Variants in ERC2 observed in about 807,000 individuals in gnomAD.
The protein encoded by ERC2 is ELKS/RAB6-interacting/CAST family member 2, also known as ERC protein 2.
Under a neutral mutation model 114.8 loss-of-function variants are expected in ERC2, and 42 were observed. That is an observed-to-expected ratio of 0.37 (90% confidence interval 0.29 to 0.47). ERC2 has a LOEUF of 0.47. ERC2 is among the 20% of genes least tolerant of loss of function. The pLI is 0.99. For synonymous variants in ERC2, 454 were observed against 425.5 expected, an observed-to-expected ratio of 1.07 and a Z score of -0.82; for missense variants, 939 against 1,150.7, an observed-to-expected ratio of 0.82 and a Z score of 2.66.
chr3:55,865,565 GA>G (rs759761434), intron 14 of ERC2, among the ~76,000 whole-genome samples: 4 of 151,898 alleles, frequency 2.6e-5, no homozygotes, highest in Non-Finnish European at 5.9e-5. Flanking sequence ...CAAATTTTAG[GA>G]ATTTTTTTTC....
At chr3:55,661,199 C>T (rs979843196) in intron 17 of ERC2, among the ~76,000 whole-genome samples, 4 of 152,214 alleles carry the variant, frequency 2.6e-5, no homozygotes, top group African/African-American at 4.8e-5. Context: ...TGGCACAACA[C>T]GGCTCAGTTC....
At chr3:55,723,211 T>C (rs1245198276) in intron 15 of ERC2, among the ~76,000 whole-genome samples, 2 of 152,228 alleles carry the variant, frequency 1.3e-5, no homozygotes, top group Non-Finnish European at 2.9e-5. Flanking sequence ...AACTTTATTA[T>C]GTAGTATGTC....
Position 56,386,351 on chromosome 3 carries a change from G to A in ERC2, c.657+48000C>T, listed in dbSNP as rs1227515683. On this transcript the variant is annotated intron_variant, in intron 2 of 17. Transcript: ENST00000288221. The stretch of plus-strand genomic sequence containing the variant: ...AGCATCCCAGATTTCTTTGACTTTC[G>A]TTCCTATGATGGTTATGGAGATCAG... Among the ~76,000 whole-genome samples, 11 of 152,156 alleles carry A rather than the reference G, an allele frequency of 7.2e-5. No individual in the cohort carries two copies. The East Asian group carries it at 7.7e-4, about 11-fold the overall frequency.
intron 14 of ERC2, among the ~76,000 whole-genome samples, chr3:55,875,736 TCA>T (rs2062805491): frequency 6.7e-6 from 1 of 149,042 alleles, no homozygotes; most frequent in African/African-American, 2.5e-5. Context: ...TCTCTCTCTC[TCA>T]CCCCTCTTCC....
chr3:56,348,901 AAGGAAAGAAGGAAGGAAG>A (rs2058427527), intron 2 of ERC2, among the ~76,000 whole-genome samples: 6 of 33,096 alleles, frequency 1.8e-4, no homozygotes, highest in Middle Eastern at 0.017. Context: ...GGAAGGAAGG[AAGGAAAGAAGGAAGGAAG>A]GAAGGAAGGA....
intron 17 of ERC2, among the ~76,000 whole-genome samples, chr3:55,661,197 C>T (rs115450186): frequency 0.016 from 2,479 of 152,262 alleles, 35 homozygotes; most frequent in Middle Eastern, 0.031. Flanking sequence ...TTTGGCACAA[C>T]ACGGCTCAGT....
At chr3:55,901,442 A>G (rs6774470) in intron 13 of ERC2, among the ~76,000 whole-genome samples, 108,137 of 152,004 alleles carry the variant, frequency 0.71, 38,763 homozygotes, top group Admixed American at 0.78. Flanking sequence ...AAGATTATTC[A>G]ATTCCTTGCA....
chr3:55,542,546 C>T (rs772284892), intron 17 of ERC2, among the ~76,000 whole-genome samples: 5 of 152,112 alleles, frequency 3.3e-5, no homozygotes, highest in Admixed American at 2.6e-4. Flanking sequence ...ACGTTGAGTC[C>T]GTAACTCATG....
At chr3:56,232,899 C>T (rs140348106) in intron 3 of ERC2, among the ~76,000 whole-genome samples, 22 of 152,314 alleles carry the variant, frequency 1.4e-4, no homozygotes, top group East Asian at 9.6e-4. Flanking sequence ...CATTATCTCC[C>T]GTTTCCGAAT....
At chr3:55,623,603 C>T (rs574843686) in intron 17 of ERC2, among the ~76,000 whole-genome samples, 17 of 152,174 alleles carry the variant, frequency 1.1e-4, no homozygotes, top group Non-Finnish European at 2.1e-4. Flanking sequence ...TGGTCACCTG[C>T]TCTGACCTAA....
chr3:56,353,080 T>C (rs2058611665), intron 2 of ERC2, among the ~76,000 whole-genome samples: 1 of 152,152 alleles, frequency 6.6e-6, no homozygotes, highest in South Asian at 2.1e-4. Context: ...GCAAGGGTCA[T>C]GGGGTCTGTT....
intron 17 of ERC2, among the ~76,000 whole-genome samples, chr3:55,550,876 C>T (rs764770968): frequency 4.0e-5 from 6 of 151,744 alleles, no homozygotes; most frequent in African/African-American, 1.5e-4. Context: ...ATTAGCCGGG[C>T]GTGGTGGTGG....
At chr3:55,531,603 C>G (rs1225037187) in intron 17 of ERC2, among the ~76,000 whole-genome samples, 1 of 152,176 alleles carries the variant, frequency 6.6e-6, no homozygotes, top group African/African-American at 2.4e-5. Flanking sequence ...TGAAAGGTGA[C>G]CTGGTGTATA....
intron 17 of ERC2, among the ~76,000 whole-genome samples, chr3:55,544,486 TC>T (rs1190011056): frequency 6.6e-6 from 1 of 151,908 alleles, no homozygotes; most frequent in African/African-American, 2.4e-5. Context: ...GTTCTCCACC[TC>T]CCCCACCCCA....
chr3:56,094,976 G>A (rs2077977000), intron 6 of ERC2, among the ~76,000 whole-genome samples: 1 of 152,238 alleles, frequency 6.6e-6, no homozygotes, highest in Admixed American at 6.5e-5. Flanking sequence ...GATGGGGTTG[G>A]GGGCAGTGGC....
intron 14 of ERC2, among the ~76,000 whole-genome samples, chr3:55,770,037 C>T (rs915668179): frequency 7.2e-5 from 11 of 152,176 alleles, no homozygotes; most frequent in Non-Finnish European, 1.6e-4. Context: ...TCTGCCTTGA[C>T]GAATGGGATA....
intron 7 of ERC2, among the ~76,000 whole-genome samples, chr3:56,064,771 T>G (rs1415634096): frequency 8.6e-6 from 1 of 116,268 alleles, no homozygotes; most frequent in African/African-American, 3.3e-5. Context: ...CTGTAAGAAC[T>G]TGTGATCTAC....
chr3:55,600,273 G>A (rs775303819), intron 17 of ERC2, among the ~76,000 whole-genome samples: 11 of 152,146 alleles, frequency 7.2e-5, no homozygotes, highest in Middle Eastern at 3.2e-3. Context: ...ACACATATAT[G>A]GCAGGTTAAA....
chr3:55,675,933 T>TTTTTTTCTTTTTTTTTTGTTTC (rs1424461978), intron 17 of ERC2, among the ~76,000 whole-genome samples: 1 of 110,970 alleles, frequency 9.0e-6, no homozygotes, highest in African/African-American at 3.3e-5. Flanking sequence ...TTTTTTTTTT[T>TTTTTTTCTTTTTTTTTTGTTTC]TTTTGAGAGA....
Sources: allele counts gnomAD v4.1 joint callset (sites outside exome capture counted in the v4.1 genomes callset), GRCh38; gene constraint gnomAD v4.1.1; transcripts MANE v1.5; gene names NCBI Gene and HGNC (gene_info 2026-07-23, HGNC 2026-07-21).